The following ATRNL1 variants were observed in gnomAD, a reference collection of about 807,000 sequenced individuals.
The protein encoded by ATRNL1 is attractin like 1, also known as attractin-like protein 1.
ATRNL1 carries 95 observed loss-of-function variants against 182.7 expected under a neutral mutation model. The ratio of observed to expected loss-of-function variants is 0.52; its 90% CI spans 0.44 to 0.62. The LOEUF is 0.62. Ranked by LOEUF, ATRNL1 falls within the 20% of genes least tolerant of loss-of-function variation. ATRNL1 has a pLI of 0.00. For synonymous variants in ATRNL1, 576 were observed against 568.3 expected, an observed-to-expected ratio of 1.01 and a Z score of -0.19; for missense variants, 1,471 against 1,679.5, an observed-to-expected ratio of 0.88 and a Z score of 2.17.
intron 28 of ATRNL1, among the ~76,000 whole-genome samples, chr10:115,867,566 T>C (rs1292430646): frequency 6.6e-6 from 1 of 152,142 alleles, no homozygotes; most frequent in East Asian, 1.9e-4. Context: ...GTCATTAGCA[T>C]AACAGGATCA....
In ATRNL1 at chr10:115,383,116, CT is replaced by C. The variant is rs71473088; in HGVS notation, c.3176-11532del. Among the ~76,000 whole-genome samples the C allele has an allele frequency of 3.5e-3, 505 of 144,382 alleles. 1 individual carries two copies. Among genetic ancestry groups the C allele is most frequent in the African/African-American group, 0.012 (456 of 39,530 alleles). 94.7% of individuals were successfully genotyped at this position (144,382 alleles called of 152,430 possible). A position where few individuals can be genotyped will look rare whatever the true frequency, so the allele number is the denominator to read the frequency against. On this transcript the variant is annotated intron_variant, in intron 19 of 28. Transcript: ENST00000355044. ...TATTCGGTTATTTTTGTTTGTTTTTCTTTTTTTTTTTCTCTCTCTACTGGTC... is the reference window on the plus strand; with the variant it reads ...TATTCGGTTATTTTTGTTTGTTTTTCTTTTTTTTTTCTCTCTCTACTGGTC...
At chr10:115,877,711 C>T (rs1243266982) in intron 28 of ATRNL1, among the ~76,000 whole-genome samples, 1 of 152,166 alleles carries the variant, frequency 6.6e-6, no homozygotes, top group Non-Finnish European at 1.5e-5. Flanking sequence ...GCAAATTTTA[C>T]AATTAATTTA....
intron 8 of ATRNL1, among the ~76,000 whole-genome samples, chr10:115,212,806 A>G (rs1172553884): frequency 2.0e-5 from 3 of 152,072 alleles, no homozygotes; most frequent in African/African-American, 7.2e-5. Context: ...ATGAGAACAC[A>G]TGGACACATA....
intron 8 of ATRNL1, among the ~76,000 whole-genome samples, chr10:115,200,754 G>T (rs1191289938): frequency 7.0e-6 from 1 of 142,398 alleles, no homozygotes; most frequent in African/African-American, 2.7e-5. Flanking sequence ...GTAATGGGAT[G>T]GCTGGGTCAA....
At chr10:115,860,970 C>T (rs1317659583) in intron 28 of ATRNL1, among the ~76,000 whole-genome samples, 1 of 152,170 alleles carries the variant, frequency 6.6e-6, no homozygotes, top group Non-Finnish European at 1.5e-5. Context: ...GAGCCTGGCT[C>T]CTAGCCTGAG....
chr10:115,575,600 A>G (rs1854652968), intron 26 of ATRNL1, among the ~76,000 whole-genome samples: 1 of 152,000 alleles, frequency 6.6e-6, no homozygotes, highest in Non-Finnish European at 1.5e-5. Context: ...TGCTAATGTC[A>G]CCTACTTGCC....
chr10:115,859,417 A>G (rs560579322), intron 28 of ATRNL1, among the ~76,000 whole-genome samples: 1 of 152,210 alleles, frequency 6.6e-6, no homozygotes, highest in South Asian at 2.1e-4. Flanking sequence ...CCTAACCAGA[A>G]AAAGAAAATA....
intron 27 of ATRNL1, among the ~76,000 whole-genome samples, chr10:115,741,861 T>C (rs552939397): frequency 6.6e-6 from 1 of 152,028 alleles, no homozygotes; most frequent in South Asian, 2.1e-4. Flanking sequence ...TCTAGGAAAA[T>C]TGCTACAAAG....
intron 26 of ATRNL1, among the ~76,000 whole-genome samples, chr10:115,637,603 CTATTATTATTATTATTAT>C (rs3087071): frequency 7.1e-6 from 1 of 141,828 alleles, no homozygotes; most frequent in Non-Finnish European, 1.5e-5. Context: ...CAATTTATTA[CTATTATTATTATTATTAT>C]TATTATTATT....
intron 22 of ATRNL1, among the ~76,000 whole-genome samples, chr10:115,463,097 G>GT (rs1847894164): frequency 6.6e-6 from 1 of 151,528 alleles, no homozygotes; most frequent in South Asian, 2.1e-4. Context: ...ATATTTAATG[G>GT]TTTTTCAAGT....
chr10:115,279,975 T>G, intron 13 of ATRNL1, among the ~76,000 whole-genome samples: 1 of 152,184 alleles, frequency 6.6e-6, no homozygotes, highest in Non-Finnish European at 1.5e-5. Context: ...AGAGAAGCAC[T>G]AGTAATATTT....
intron 26 of ATRNL1, among the ~76,000 whole-genome samples, chr10:115,574,407 T>C (rs782497286): frequency 1.3e-5 from 2 of 151,896 alleles, no homozygotes; most frequent in East Asian, 3.9e-4. Context: ...GAAAAAAGCC[T>C]ATAGTTGCCA....
At chr10:115,489,310 A>C (rs1483549241) in intron 24 of ATRNL1, among the ~76,000 whole-genome samples, 2 of 152,082 alleles carry the variant, frequency 1.3e-5, no homozygotes, top group African/African-American at 4.8e-5. Flanking sequence ...GATCTGTCTA[A>C]TATTGACAGT....
chr10:115,263,903 G>T (rs1554909573), intron 10 of ATRNL1, among the ~76,000 whole-genome samples: 2 of 149,352 alleles, frequency 1.3e-5, no homozygotes, highest in Non-Finnish European at 3.0e-5. Context: ...AATAAAGTTA[G>T]GTTAGGTTTC....
In ATRNL1 at chr10:115,327,178, C is replaced by G. The variant is rs557001477; in HGVS notation, c.3038-7104C>G. Reference sequence around the variant, plus strand: ...CAAAATGGGAGAAAGTTTTCGCAACCTACTCATCTGACAAAGGGCTAATAT... The same window carrying G: ...CAAAATGGGAGAAAGTTTTCGCAACGTACTCATCTGACAAAGGGCTAATAT... On this transcript the variant is annotated intron_variant, in intron 18 of 28. Transcript: ENST00000355044. Among the ~76,000 whole-genome samples the G allele has an allele frequency of 1.3e-5, 2 of 151,456 alleles. 1 individual carries two copies. Among genetic ancestry groups the G allele is most frequent in the East Asian group, 3.9e-4 (2 of 5,144 alleles).
chr10:115,838,642 G>A (rs377260904), intron 27 of ATRNL1, among the ~76,000 whole-genome samples: 4 of 152,118 alleles, frequency 2.6e-5, no homozygotes, highest in Admixed American at 1.3e-4. Context: ...TTACTCATTC[G>A]CACATTTGCA....
At chr10:115,613,095 C>G (rs1555019580) in intron 26 of ATRNL1, among the ~76,000 whole-genome samples, 2 of 152,194 alleles carry the variant, frequency 1.3e-5, no homozygotes, top group African/African-American at 4.8e-5. Context: ...TTTGAAAACC[C>G]TGTATCTCTG....
chr10:115,744,718 T>C (rs529494267), intron 27 of ATRNL1, among the ~76,000 whole-genome samples: 1 of 152,286 alleles, frequency 6.6e-6, no homozygotes, highest in African/African-American at 2.4e-5. Flanking sequence ...TGTATGAATA[T>C]GTAAATGCAC....
chr10:115,312,524 T>C (rs1324527805), intron 17 of ATRNL1, among the ~76,000 whole-genome samples: 1 of 152,186 alleles, frequency 6.6e-6, no homozygotes, highest in Non-Finnish European at 1.5e-5. Flanking sequence ...ACTTTTGTCT[T>C]AGTGCTCTTA....
Sources: allele counts gnomAD v4.1 joint callset (sites outside exome capture counted in the v4.1 genomes callset), GRCh38; gene constraint gnomAD v4.1.1; transcripts MANE v1.5; gene names NCBI Gene and HGNC (gene_info 2026-07-23, HGNC 2026-07-21).